Variants in RPRD1B observed in about 807,000 individuals in gnomAD.
RPRD1B encodes regulation of nuclear pre-mRNA domain-containing protein 1B.
RPRD1B carries 11 observed loss-of-function variants against 41.5 expected under a neutral mutation model. The observed-to-expected ratio is 0.27, with a 90% CI of 0.17 to 0.44. The LOEUF is 0.44. Ranked by LOEUF, RPRD1B falls within the 20% of genes least tolerant of loss-of-function variation. The pLI is 1.00. For missense variants in RPRD1B, 248 were observed against 389.9 expected, an observed-to-expected ratio of 0.64 and a Z score of 3.06; for synonymous variants, 158 against 155.6, an observed-to-expected ratio of 1.02 and a Z score of -0.12.
intron 1 of RPRD1B, among the ~76,000 whole-genome samples, chr20:38,034,918 C>T (rs779863226): frequency 1.6e-4 from 24 of 152,214 alleles, no homozygotes; most frequent in Non-Finnish European, 2.8e-4. Flanking sequence ...CTTAACCTGT[C>T]TGTGCCTTAA....
At chr20:38,048,569 C>A in intron 3 of RPRD1B, 88 bp downstream of exon 3, 2 of 1,500,040 alleles carry the variant, frequency 1.3e-6, no homozygotes, top group South Asian at 1.4e-5. Flanking sequence ...TTGCTGTGAA[C>A]CACCAGCGAT....
At chr20:38,066,015 AATGTTTGTAGTCATACCTGTGTG>A in intron 5 of RPRD1B, 43 bp from the exon 6 acceptor site, 1 of 1,502,282 alleles carries the variant, frequency 6.7e-7, no homozygotes, top group Admixed American at 1.8e-5. Flanking sequence ...CTCCCCCAGA[AATGTTTGTAGTCATACCTGTGTG>A]ATTTGTATAT....
intron 5 of RPRD1B, among the ~76,000 whole-genome samples, chr20:38,063,423 G>C (rs1371223843): frequency 3.3e-5 from 5 of 152,226 alleles, no homozygotes; most frequent in Non-Finnish European, 5.9e-5. Flanking sequence ...TAAGAGCCTA[G>C]TTATAAGAAC....
intron 6 of RPRD1B, chr20:38,070,280 G>A (rs748053273): frequency 1.4e-5 from 14 of 985,278 alleles, no homozygotes; most frequent in African/African-American, 1.7e-5. Context: ...AGGCAAGGGT[G>A]GAAGGAATGC....
chr20:38,037,925 A>C (rs1399060504), intron 1 of RPRD1B, among the ~76,000 whole-genome samples: 1 of 152,042 alleles, frequency 6.6e-6, no homozygotes, highest in African/African-American at 2.4e-5. Context: ...GCTTTGTTGA[A>C]GTTCTGTTTT....
intron 6 of RPRD1B, among the ~76,000 whole-genome samples, chr20:38,074,129 A>G (rs2074437674): frequency 6.6e-6 from 1 of 151,668 alleles, no homozygotes; most frequent in African/African-American, 2.4e-5. Flanking sequence ...TCCATCCCCT[A>G]CTTTGATGTG....
At chr20:38,066,945 G>A (rs544696529) in intron 6 of RPRD1B, among the ~76,000 whole-genome samples, 31 of 152,234 alleles carry the variant, frequency 2.0e-4, no homozygotes, top group African/African-American at 5.3e-4. Flanking sequence ...GTGAGCCACC[G>A]CGCCCAGCCG....
At position 38,089,952 on chromosome 20, in the gene RPRD1B, A is replaced by T; in HGVS notation, c.*77A>T. 6.4e-7 allele frequency: 1 copy of T among 1,562,126 alleles called. No individual in the cohort carries two copies. Among genetic ancestry groups the T allele is most frequent in the South Asian group, 1.2e-5 (1 of 83,224 alleles). ...AAGTCATGGTTGGAAATAACCTTCT[A>T]GCCCCTGGTTCTATCCCTTCTTCCG... On this transcript the variant is annotated 3_prime_UTR_variant, in exon 7 of 7. Coordinates refer to ENST00000373433, the MANE Select transcript of RPRD1B (RefSeq NM_021215.4).
At chr20:38,082,863 C>A (rs1278544016) in intron 6 of RPRD1B, among the ~76,000 whole-genome samples, 3 of 152,096 alleles carry the variant, frequency 2.0e-5, no homozygotes, top group African/African-American at 7.2e-5. Context: ...TAGTAAGTAA[C>A]CTACAGACTG....
rs948266928 is a variant in RPRD1B at position 38,092,207 on chromosome 20, TTTTG to T, written c.*2344_*2347del. The T allele has an allele frequency of 5.0e-5, 49 of 985,514 alleles. No homozygotes were observed. Among genetic ancestry groups the T allele is most frequent in the East Asian group, 1.1e-4 (1 of 8,832 alleles). The allele number at this position is 985,514 out of a possible 1,614,324, so 61.0% of individuals were successfully genotyped here. A position where few individuals can be genotyped will look rare whatever the true frequency, so the allele number is the denominator to read the frequency against. On this transcript the variant is annotated 3_prime_UTR_variant, in exon 7 of 7. Transcript: ENST00000373433. ...CAGAAAGTCTTCAATCTTCCCTTGTTTTTGTTTGTTTGTTTTTCTTAAAGAATAT... is the reference window on the plus strand; with the variant it reads ...CAGAAAGTCTTCAATCTTCCCTTGTTTTTGTTTGTTTTTCTTAAAGAATAT...
At chr20:38,034,151 ACAT>A in intron 1 of RPRD1B, 53 bp downstream of exon 1, 1 of 1,578,134 alleles carries the variant, frequency 6.3e-7, no homozygotes, top group Non-Finnish European at 8.6e-7. Flanking sequence ...CCTCTCGCCC[ACAT>A]ACAACCTAGG....
In RPRD1B at chr20:38,091,116, C is replaced by G; in HGVS notation, c.*1241C>G. 1.0e-6 allele frequency: 1 copy of G among 985,790 alleles called. No individual in the cohort carries two copies. The highest frequency in any genetic ancestry group is 1.7e-5 in the African/African-American group (1 of 57,304). 61.1% of individuals were successfully genotyped at this position (985,790 alleles called of 1,614,324 possible). On this transcript the variant is annotated 3_prime_UTR_variant, in exon 7 of 7. Transcript: ENST00000373433. ...AAGGTTCAGCCTGCCAATTGTAAATCATTCTAATTTGGCAGGCTTATTTTT... is the reference window on the plus strand; with the variant it reads ...AAGGTTCAGCCTGCCAATTGTAAATGATTCTAATTTGGCAGGCTTATTTTT...
At position 38,069,063 on chromosome 20, in the gene RPRD1B, C is replaced by T. The variant is rs1435773057; in HGVS notation, c.831+2807C>T. Among the ~76,000 whole-genome samples, 7 of 152,122 alleles carry T rather than the reference C, an allele frequency of 4.6e-5. No homozygotes were observed. In the East Asian group the frequency reaches 1.2e-3, roughly 25 times the overall value. On this transcript the variant is annotated intron_variant, in intron 6 of 6. Coordinates refer to ENST00000373433, the MANE Select transcript of RPRD1B (RefSeq NM_021215.4). ...CTTTGGAGAAGTAGTTATTTGCTTG[C>T]GAGTCTGTTTTCATCCCAAAGCTCT... is the stretch of plus-strand genomic sequence containing the variant.
At chr20:38,038,114 A>G (rs1261773148) in intron 1 of RPRD1B, among the ~76,000 whole-genome samples, 1 of 152,226 alleles carries the variant, frequency 6.6e-6, no homozygotes, top group African/African-American at 2.4e-5. Context: ...ATAATTAGAA[A>G]GTTGAAGAAA....
chr20:38,040,385 T>C (rs1284864914), intron 1 of RPRD1B, 50 bp from the exon 2 acceptor site: 21 of 1,482,740 alleles, frequency 1.4e-5, no homozygotes, highest in African/African-American at 2.9e-5. Flanking sequence ...GAATTGTGAA[T>C]TGAGAATTTC....
chr20:38,043,731 G>A (rs2074092228), intron 2 of RPRD1B, among the ~76,000 whole-genome samples: 1 of 152,194 alleles, frequency 6.6e-6, no homozygotes, highest in Admixed American at 6.5e-5. Flanking sequence ...TTGAGTGGGA[G>A]CTGGTAGTAA....
At chr20:38,084,768 A>G (rs1375529996) in intron 6 of RPRD1B, among the ~76,000 whole-genome samples, 3 of 152,242 alleles carry the variant, frequency 2.0e-5, no homozygotes, top group African/African-American at 7.2e-5. Flanking sequence ...GTGAGGCAAG[A>G]TTCCAAAGCT....
intron 6 of RPRD1B, among the ~76,000 whole-genome samples, chr20:38,087,809 T>G (rs1350310387): frequency 2.0e-5 from 3 of 152,192 alleles, no homozygotes; most frequent in Non-Finnish European, 4.4e-5. Context: ...AACCAAAGTC[T>G]GAGTCTCAGG....
chr20:38,060,954 C>T (rs1179920979), intron 5 of RPRD1B, among the ~76,000 whole-genome samples: 2 of 152,140 alleles, frequency 1.3e-5, no homozygotes, highest in Non-Finnish European at 2.9e-5. Context: ...TTTAAAAATA[C>T]TTACTACTAA....
Sources: allele counts gnomAD v4.1 joint callset (sites outside exome capture counted in the v4.1 genomes callset), GRCh38; gene constraint gnomAD v4.1.1; transcripts MANE v1.5; gene names NCBI Gene and HGNC (gene_info 2026-07-23, HGNC 2026-07-21).